The following NBEAL1 variants were observed in gnomAD, a reference collection of about 807,000 sequenced individuals.
NBEAL1 encodes neurobeachin like 1.
In NBEAL1, 273 loss-of-function variants were observed where a neutral mutation model predicts 351.3. The observed-to-expected ratio is 0.78, with a 90% confidence interval of 0.70 to 0.86. The LOEUF (loss-of-function observed/expected upper bound fraction) is 0.86. Ranked by LOEUF, NBEAL1 falls within the 40% of genes least tolerant of loss-of-function variation. The pLI is 0.00. For missense variants in NBEAL1, 2,961 were observed against 3,201.3 expected (o/e 0.92, Z 1.81); for synonymous variants, 1,050 against 1,086.4 (o/e 0.97, Z 0.66).
chr2:203,139,732 T>C (rs959355012), intron 31 of NBEAL1, among the ~76,000 whole-genome samples: 3 of 151,170 alleles, frequency 2.0e-5, no homozygotes, highest in Non-Finnish European at 4.4e-5. Flanking sequence ...GCCTGGCAAA[T>C]TTTTGTGTGT....
intron 54 of NBEAL1, among the ~76,000 whole-genome samples, chr2:203,212,911 A>G (rs940498882): frequency 6.6e-6 from 1 of 152,206 alleles, no homozygotes; most frequent in Non-Finnish European, 1.5e-5. Flanking sequence ...TTTCAGGGAT[A>G]AGATCAGAGC....
intron 44 of NBEAL1, among the ~76,000 whole-genome samples, chr2:203,183,664 A>G (rs999730468): frequency 2.2e-4 from 33 of 152,280 alleles, no homozygotes; most frequent in African/African-American, 7.9e-4. Context: ...GTATGTAAAT[A>G]TTCCAGTCAC....
chr2:203,156,983 T>C (rs1391292575), intron 35 of NBEAL1, among the ~76,000 whole-genome samples: 1 of 152,202 alleles, frequency 6.6e-6, no homozygotes, highest in Non-Finnish European at 1.5e-5. Context: ...TACCAGATGT[T>C]TCACATATAT....
intron 5 of NBEAL1, among the ~76,000 whole-genome samples, 177 bp downstream of exon 5, chr2:203,056,685 G>C (rs1252960778): frequency 6.6e-6 from 1 of 152,254 alleles, no homozygotes; most frequent in East Asian, 1.9e-4. Flanking sequence ...TCCTGCCTCA[G>C]CCTCCCAAGT....
At chr2:203,138,381 G>A (rs1314808622) in intron 30 of NBEAL1, 66 bp downstream of exon 30, 2 of 1,458,528 alleles carry the variant, frequency 1.4e-6, no homozygotes, top group Non-Finnish European at 1.9e-6. Context: ...GAAAAATTTT[G>A]CACCCCCTCT....
chr2:203,192,385 A>ATT (rs753136759), intron 46 of NBEAL1, among the ~76,000 whole-genome samples: 45 of 144,760 alleles, frequency 3.1e-4, no homozygotes, highest in East Asian at 8.1e-4. Flanking sequence ...TTAAAAGATA[A>ATT]TTTTTTTTTT....
At chr2:203,077,284 C>T (rs899612072) in intron 7 of NBEAL1, among the ~76,000 whole-genome samples, 2 of 151,862 alleles carry the variant, frequency 1.3e-5, no homozygotes, top group African/African-American at 2.4e-5. Flanking sequence ...GCAGGAGAAT[C>T]GCTTGAATCT....
rs2061298711 is a variant in NBEAL1 at position 203,049,976 on chromosome 2, G to T, written c.305+1G>T. 6.5e-7 allele frequency: 1 copy of T among 1,550,224 alleles called. No homozygotes were observed. The highest frequency in any genetic ancestry group is 8.7e-7 in the Non-Finnish European group (1 of 1,146,116). Reference sequence around the variant, plus strand: ...TCAAGTTCTTCATTATTCTTTGCAGGTATCTAGTAGAAAAAATAAGCTAGT... The same window carrying T: ...TCAAGTTCTTCATTATTCTTTGCAGTTATCTAGTAGAAAAAATAAGCTAGT... On this transcript the variant is annotated splice_donor_variant, in intron 4 of 55. Transcript: ENST00000683969. LOFTEE classifies it high-confidence loss of function.
At chr2:203,190,500 C>T (rs916387376) in intron 46 of NBEAL1, 111 bp downstream of exon 46, 21 of 815,832 alleles carry the variant, frequency 2.6e-5, no homozygotes, top group Non-Finnish European at 4.1e-5. Flanking sequence ...CTCTCAGTCA[C>T]AGAAAGATTT....
chr2:203,165,564 T>C (rs1020952776), intron 36 of NBEAL1, among the ~76,000 whole-genome samples: 1 of 152,222 alleles, frequency 6.6e-6, no homozygotes, highest in African/African-American at 2.4e-5. Context: ...GCTAATTGTT[T>C]TACAGGTTCA....
intron 7 of NBEAL1, among the ~76,000 whole-genome samples, chr2:203,076,492 A>AC (rs1318988877): frequency 1.5e-5 from 2 of 137,310 alleles, no homozygotes; most frequent in Admixed American, 7.3e-5. Context: ...CAAACAAACA[A>AC]ACAAAAAAAA....
intron 43 of NBEAL1, chr2:203,182,699 C>A (rs2064767392): frequency 6.6e-6 from 1 of 152,166 alleles, no homozygotes; most frequent in Non-Finnish European, 1.5e-5. Context: ...TTAAGGCCTT[C>A]TTTTTTGAAG....
At position 203,168,296 on chromosome 2, in the gene NBEAL1, G is replaced by A. The variant is rs145103827; in HGVS notation, c.5997+936G>A. 1.7e-3 allele frequency among the ~76,000 whole-genome samples: 266 copies of A among 152,306 alleles called. 1 individual carries two copies. The highest frequency in any genetic ancestry group is 6.1e-3 in the African/African-American group (253 of 41,566). On this transcript the variant is annotated intron_variant, in intron 38 of 55. Coordinates refer to ENST00000683969, the MANE Select transcript of NBEAL1 (RefSeq NM_001378026.1). The stretch of plus-strand genomic sequence containing the variant: ...TATAACAACCATGAGATTAAATGTG[G>A]CAAATTTGGCCAGACACAGTGGCTC...
intron 6 of NBEAL1, among the ~76,000 whole-genome samples, chr2:203,063,243 G>A (rs140674706): frequency 6.6e-6 from 1 of 152,138 alleles, no homozygotes; most frequent in East Asian, 1.9e-4. Flanking sequence ...GGGAGGCCAA[G>A]GCAGGAGAAT....
chr2:203,186,924 T>A (rs536368927), intron 44 of NBEAL1, among the ~76,000 whole-genome samples: 74 of 152,356 alleles, frequency 4.9e-4, no homozygotes, highest in African/African-American at 1.7e-3. Flanking sequence ...TGAGTGGGTC[T>A]GTGGGACACA....
intron 2 of NBEAL1, among the ~76,000 whole-genome samples, chr2:203,023,821 G>T (rs2060808039): frequency 6.6e-6 from 1 of 152,148 alleles, no homozygotes; most frequent in Admixed American, 6.6e-5. Context: ...GGAATTATTG[G>T]AGGGTTATTA....
intron 36 of NBEAL1, among the ~76,000 whole-genome samples, chr2:203,160,042 T>C (rs957711681): frequency 2.6e-5 from 4 of 151,902 alleles, no homozygotes; most frequent in African/African-American, 7.3e-5. Context: ...ATATCTACTT[T>C]GGAGACTATA....
Position 203,220,967 on chromosome 2 carries a change from A to C in NBEAL1, c.*3613A>C, listed in dbSNP as rs1180502801. 1.3e-5 allele frequency among the ~76,000 whole-genome samples: 2 copies of C among 152,166 alleles called. No individual in the cohort carries two copies. The highest frequency in any genetic ancestry group is 2.9e-5 in the Non-Finnish European group (2 of 68,024). ...CATTCTGTCATTAGCAAGGAACACC[A>C]ATGAGGTTTCTTTTTTTTCTCTATT... On this transcript the variant is annotated 3_prime_UTR_variant, in exon 56 of 56. Coordinates refer to ENST00000683969, the MANE Select transcript of NBEAL1 (RefSeq NM_001378026.1).
chr2:203,214,527 C>T (rs1300382818), intron 55 of NBEAL1, among the ~76,000 whole-genome samples: 1 of 152,156 alleles, frequency 6.6e-6, no homozygotes, highest in Non-Finnish European at 1.5e-5. Flanking sequence ...GTAATCCCTG[C>T]ACTTTGGGGG....
Sources: allele counts gnomAD v4.1 joint callset (sites outside exome capture counted in the v4.1 genomes callset), GRCh38; gene constraint gnomAD v4.1.1; transcripts MANE v1.5; gene names NCBI Gene and HGNC (gene_info 2026-07-23, HGNC 2026-07-21).